The following FAF1 variants were observed in gnomAD, a reference collection of about 807,000 sequenced individuals.
The protein encoded by FAF1 is Fas associated factor 1, also known as FAS-associated factor 1.
In FAF1, 25 loss-of-function variants were observed where a neutral mutation model predicts 92.5. The ratio of observed to expected loss-of-function variants is 0.27; its 90% CI spans 0.20 to 0.38. The LOEUF (loss-of-function observed/expected upper bound fraction) is 0.38. FAF1 is among the 10% of genes least tolerant of loss of function. FAF1 has a pLI of 1.00. For missense variants in FAF1, 636 were observed against 793.3 expected (o/e 0.80, Z 2.38); for synonymous variants, 234 against 273.2 (o/e 0.86, Z 1.42).
At chr1:50,848,867 C>A (rs894108764) in intron 2 of FAF1, among the ~76,000 whole-genome samples, 4 of 152,126 alleles carry the variant, frequency 2.6e-5, no homozygotes, top group Admixed American at 2.6e-4. Flanking sequence ...GACGTGAAAA[C>A]TAAATGTATT....
At chr1:50,811,000 G>A (rs2124605346) in intron 2 of FAF1, among the ~76,000 whole-genome samples, 1 of 152,202 alleles carries the variant, frequency 6.6e-6, no homozygotes, top group East Asian at 1.9e-4. Context: ...AGGTGAGATC[G>A]TGCCACTGTT....
intron 2 of FAF1, among the ~76,000 whole-genome samples, chr1:50,819,560 G>C (rs982250667): frequency 4.7e-5 from 7 of 148,840 alleles, no homozygotes; most frequent in Non-Finnish European, 1.0e-4. Flanking sequence ...CCAGGAGTTC[G>C]AGACTGCAAT....
At chr1:50,823,796 A>T (rs562888030) in intron 2 of FAF1, among the ~76,000 whole-genome samples, 43 of 152,302 alleles carry the variant, frequency 2.8e-4, no homozygotes, top group African/African-American at 1.0e-3. Flanking sequence ...AACAGATTTC[A>T]TAATTATTTG....
At chr1:50,545,546 C>T (rs1045543510) in intron 13 of FAF1, among the ~76,000 whole-genome samples, 3 of 150,538 alleles carry the variant, frequency 2.0e-5, no homozygotes, top group Non-Finnish European at 4.4e-5. Flanking sequence ...TGGGATTATA[C>T]AGGTGTGAGC....
intron 15 of FAF1, among the ~76,000 whole-genome samples, chr1:50,511,794 G>C (rs1419803846): frequency 6.6e-6 from 1 of 152,066 alleles, no homozygotes; most frequent in African/African-American, 2.4e-5. Context: ...GGTATTTCTG[G>C]TTCTAGATCC....
intron 8 of FAF1, among the ~76,000 whole-genome samples, chr1:50,598,499 G>A (rs1358091042): frequency 6.9e-6 from 1 of 144,270 alleles, no homozygotes; most frequent in Non-Finnish European, 1.5e-5. Context: ...TAAGTTTTCT[G>A]TTCTGTAAAA....
intron 15 of FAF1, among the ~76,000 whole-genome samples, chr1:50,511,074 T>G (rs1016668481): frequency 6.6e-6 from 1 of 152,136 alleles, no homozygotes; most frequent in Admixed American, 6.5e-5. Context: ...ATGGGAAAAA[T>G]TATGTAAGGC....
At chr1:50,818,832 A>G (rs952900600) in intron 2 of FAF1, among the ~76,000 whole-genome samples, 8 of 151,846 alleles carry the variant, frequency 5.3e-5, no homozygotes, top group Non-Finnish European at 8.8e-5. Context: ...GCGAGACTCC[A>G]TCCCCCCACC....
intron 12 of FAF1, among the ~76,000 whole-genome samples, chr1:50,573,297 C>T (rs1294891073): frequency 2.0e-5 from 3 of 152,062 alleles, no homozygotes; most frequent in Non-Finnish European, 4.4e-5. Flanking sequence ...TGGGGTTTCA[C>T]CATGTTGGCC....
At chr1:50,470,075 A>T (rs999290854) in intron 18 of FAF1, among the ~76,000 whole-genome samples, 23 of 152,270 alleles carry the variant, frequency 1.5e-4, no homozygotes, top group South Asian at 8.3e-4. Context: ...CTTGTTTTTT[A>T]AAAAAATAAA....
At chr1:50,848,239 T>TA (rs1412753833) in intron 2 of FAF1, among the ~76,000 whole-genome samples, 1 of 152,060 alleles carries the variant, frequency 6.6e-6, no homozygotes, top group Non-Finnish European at 1.5e-5. Context: ...CTACCAGAAG[T>TA]AAAAACAGTA....
intron 8 of FAF1, among the ~76,000 whole-genome samples, chr1:50,597,753 T>C (rs1186892613): frequency 6.6e-6 from 1 of 152,146 alleles, no homozygotes; most frequent in Non-Finnish European, 1.5e-5. Context: ...ATGATTGAAA[T>C]ATAAGGATGG....
At chr1:50,891,601 G>C (rs985283062) in intron 1 of FAF1, among the ~76,000 whole-genome samples, 2 of 152,242 alleles carry the variant, frequency 1.3e-5, no homozygotes, top group African/African-American at 4.8e-5. Flanking sequence ...CTGCAGGTCT[G>C]TTGGTGTTTG....
At chr1:50,895,971 T>C (rs1219493731) in intron 1 of FAF1, among the ~76,000 whole-genome samples, 1 of 152,178 alleles carries the variant, frequency 6.6e-6, no homozygotes. Context: ...TAAAAGTCTT[T>C]CTTCTAAGAT....
chr1:50,909,545 C>T (rs936330166), intron 1 of FAF1, among the ~76,000 whole-genome samples: 1 of 152,166 alleles, frequency 6.6e-6, no homozygotes, highest in Non-Finnish European at 1.5e-5. Flanking sequence ...TTCACATAGT[C>T]CCATATTTCT....
At chr1:50,810,856 G>A (rs944449401) in intron 2 of FAF1, among the ~76,000 whole-genome samples, 6 of 152,152 alleles carry the variant, frequency 3.9e-5, no homozygotes, top group African/African-American at 9.7e-5. Context: ...TGAGGCCAGC[G>A]TGGCCAACAT....
chr1:50,932,872 A>G (rs12042533), intron 1 of FAF1, among the ~76,000 whole-genome samples: 84,453 of 152,076 alleles, frequency 0.56, 24,410 homozygotes, highest in East Asian at 0.83. Flanking sequence ...CTCAAACCTC[A>G]ATTCTTGACT....
chr1:50,584,968 C>T (rs563691620), intron 9 of FAF1, among the ~76,000 whole-genome samples, 157 bp from the exon 10 acceptor site: 42 of 152,276 alleles, frequency 2.8e-4, no homozygotes, highest in Admixed American at 5.2e-4. Flanking sequence ...CCTTTTAAGG[C>T]TTACATACTT....
chr1:50,627,772 T>C (rs938897391), intron 8 of FAF1, among the ~76,000 whole-genome samples: 1 of 152,184 alleles, frequency 6.6e-6, no homozygotes. Flanking sequence ...TATTTACTTT[T>C]AAAAATTCAT....
Sources: gnomAD v4.1 joint callset for allele counts (sites outside exome capture counted in the v4.1 genomes callset) on GRCh38, gnomAD v4.1.1 for gene constraint, MANE v1.5 for transcripts, NCBI Gene and HGNC (gene_info 2026-07-23, HGNC 2026-07-21) for gene names.